Variants in PYM1 observed in about 807,000 individuals in gnomAD.
The protein encoded by PYM1 is partner of Y14 and mago.
In PYM1, 7 loss-of-function variants were observed where a neutral mutation model predicts 20.7. The observed-to-expected ratio is 0.34, with a 90% CI of 0.19 to 0.64. The LOEUF is 0.64. PYM1 is among the 30% of genes least tolerant of loss of function. The pLI is 0.74. For missense variants in PYM1, 194 were observed against 250.0 expected (o/e 0.78, Z 1.51); for synonymous variants, 100 against 99.2 (o/e 1.01, Z -0.05).
chr12:55,902,222 G>C lies in PYM1; in HGVS notation c.265C>G (p.Arg89Gly). 6.2e-7 allele frequency: 1 copy of C among 1,614,098 alleles called. No homozygotes were observed. The highest frequency in any genetic ancestry group is 8.5e-7 in the Non-Finnish European group (1 of 1,180,018). ...CTCTTCTCCTTTCGCTTCAGGTTAC[G>C]TTTGGCTGTCTTGGAGAGGCCTGGT... is the stretch of plus-strand genomic sequence containing the variant. The part of the protein sequence containing the change: ...GEPGLSKTAK[R>G]NLKRKEKRRQ... Residue 89 changes from arginine to glycine, a missense_variant, in exon 3 of 3, where the codon CGT (arginine) becomes GGT (glycine). By Grantham distance (125) the Arg-to-Gly change is moderately radical (BLOSUM62 -2). Coordinates refer to ENST00000408946, the MANE Select transcript of PYM1 (RefSeq NM_032345.3).
rs56355933 is a variant in PYM1 at position 55,922,445 on chromosome 12, CAAAAAAA to C, written c.37+5273_37+5279del. ...GGCAACATAGTGAGACCATCTTTAC[CAAAAAAA>C]AAAAAAAAAAAAAAATTAGCTGGTC... On this transcript the variant is annotated intron_variant, in intron 1 of 2. Coordinates refer to ENST00000408946, the MANE Select transcript of PYM1 (RefSeq NM_032345.3). Among the ~76,000 whole-genome samples, 661 of 86,236 alleles carry C rather than the reference CAAAAAAA, an allele frequency of 7.7e-3. 9 individuals carry two copies. The highest frequency in any genetic ancestry group is 0.026 in the African/African-American group (562 of 21,914). The allele number at this position is 86,236 out of a possible 152,430, so 56.6% of individuals were successfully genotyped here.
chr12:55,927,470 T>G (rs1883214806), intron 1 of PYM1: 2 of 695,380 alleles, frequency 2.9e-6, no homozygotes, highest in African/African-American at 3.6e-5. Context: ...AAGGGGGCCT[T>G]ATAAATGAAG....
chr12:55,918,242 T>G (rs1883041828), intron 1 of PYM1, among the ~76,000 whole-genome samples: 1 of 151,694 alleles, frequency 6.6e-6, no homozygotes, highest in South Asian at 2.1e-4. Context: ...GGACTACAGG[T>G]GCCCGCCACC....
chr12:55,912,078 G>A (rs1457923969), intron 1 of PYM1, among the ~76,000 whole-genome samples: 1 of 152,038 alleles, frequency 6.6e-6, no homozygotes, highest in Non-Finnish European at 1.5e-5. Context: ...GCAGGGTATA[G>A]TGGCTCATGC....
chr12:55,903,405 G>A lies in PYM1; in HGVS notation c.113C>T (p.Pro38Leu). The A allele has an allele frequency of 6.2e-7, 1 of 1,613,970 alleles. No homozygotes were observed. Among genetic ancestry groups the A allele is most frequent in the Non-Finnish European group, 8.5e-7 (1 of 1,179,996 alleles). The change falls in exon 2 of 3, where the codon CCC becomes CTC. Residue 38 changes from proline (P) to leucine (L), a missense_variant. Physicochemically the swap from Pro to Leu is moderately conservative, Grantham distance 98 (BLOSUM62 -3). Around this residue, in one of 3 missense-constraint regions of PYM1, gnomAD observed 17 missense variants for 53.1 expected, o/e 0.32. Transcript: ENST00000408946. ...CACGTACACTGGGACCTCCTCCTGG[G>A]GCACATATCCTTCTTTCACCCTCCG... is the stretch of plus-strand genomic sequence containing the variant. ...KQRRVKEGYVPQEEVPVYENK... is the reference protein window; with the variant it reads ...KQRRVKEGYVLQEEVPVYENK...
intron 1 of PYM1, among the ~76,000 whole-genome samples, chr12:55,915,155 C>T (rs551582560): frequency 7.7e-6 from 1 of 129,054 alleles, no homozygotes; most frequent in Non-Finnish European, 1.5e-5. Context: ...GCAGAGGTTG[C>T]AGTAAGCCAA....
intron 1 of PYM1, among the ~76,000 whole-genome samples, chr12:55,925,606 A>C (rs553671413): frequency 6.6e-6 from 1 of 152,356 alleles, no homozygotes; most frequent in East Asian, 1.9e-4. Context: ...ATGACACTAA[A>C]GTTTTACAGA....
chr12:55,923,534 C>A (rs1322670827), intron 1 of PYM1, among the ~76,000 whole-genome samples: 2 of 149,620 alleles, frequency 1.3e-5, no homozygotes, highest in Non-Finnish European at 3.0e-5. Context: ...CACTGCACTC[C>A]AGCCTGGGTG....
intron 1 of PYM1, among the ~76,000 whole-genome samples, chr12:55,914,535 A>G (rs1882974724): frequency 1.3e-5 from 2 of 152,234 alleles, no homozygotes; most frequent in South Asian, 2.1e-4. Flanking sequence ...TCTGTCAGCA[A>G]TAAAAACTCT....
Position 55,917,117 on chromosome 12 carries a change from T to A in PYM1, c.37+10608A>T, listed in dbSNP as rs117902617. ...ACTCTGTCTCAAAAATAAAAAAAAA[T>A]TTAAAAAGTAGTTTGTCAGCTGGGC... On this transcript the variant is annotated intron_variant, in intron 1 of 2. Coordinates refer to ENST00000408946, the MANE Select transcript of PYM1 (RefSeq NM_032345.3). 1.7e-3 allele frequency among the ~76,000 whole-genome samples: 247 copies of A among 149,444 alleles called. 5 individuals are homozygous for A. In the East Asian group the frequency reaches 0.04, roughly 24 times the overall value.
chr12:55,903,823 G>C lies in PYM1; in HGVS notation c.38-343C>G, dbSNP rs1012543143. ...GCTAAAAAGACACAAAAACCACGGG[G>C]AGGAGAAATGACAATAGCGGATGTT... On this transcript the variant is annotated intron_variant, in intron 1 of 2. Transcript: ENST00000408946. 2.0e-5 allele frequency among the ~76,000 whole-genome samples: 3 copies of C among 152,268 alleles called. No homozygotes were observed. The South Asian group carries it at 6.2e-4, about 32-fold the overall frequency.
intron 1 of PYM1, 106 bp from the exon 2 acceptor site, chr12:55,903,586 C>A: frequency 7.1e-6 from 7 of 987,674 alleles, no homozygotes. Flanking sequence ...ACCCATTCAT[C>A]CAAATGCAAC....
chr12:55,925,318 A>G (rs1883170185), intron 1 of PYM1, among the ~76,000 whole-genome samples: 1 of 152,258 alleles, frequency 6.6e-6, no homozygotes, highest in Non-Finnish European at 1.5e-5. Context: ...CAAAAAGCTG[A>G]TCCTGTGGGT....
intron 1 of PYM1, among the ~76,000 whole-genome samples, chr12:55,908,465 A>G (rs1460604035): frequency 6.6e-6 from 1 of 151,622 alleles, no homozygotes; most frequent in African/African-American, 2.4e-5. Flanking sequence ...AGAAAAAAAG[A>G]CTTTTAAAAT....
intron 1 of PYM1, among the ~76,000 whole-genome samples, chr12:55,907,772 C>T (rs1219247955): frequency 6.6e-6 from 1 of 151,030 alleles, no homozygotes; most frequent in Admixed American, 6.6e-5. Flanking sequence ...AACCCCATCT[C>T]CATTAAAAAC....
At chr12:55,919,612 T>A (rs541904954) in intron 1 of PYM1, among the ~76,000 whole-genome samples, 1 of 152,098 alleles carries the variant, frequency 6.6e-6, no homozygotes, top group South Asian at 2.1e-4. Flanking sequence ...AAAACTAGGC[T>A]GGGGGCCAGG....
Position 55,901,855 on chromosome 12 carries a change from C to T in PYM1, c.*17G>A, listed in dbSNP as rs1414697826. The stretch of plus-strand genomic sequence containing the variant: ...CCACGGTTTGTTCTGCAGTCCATTC[C>T]CTATTCCCCAAAGGCCTCAGAGGCC... On this transcript the variant is annotated 3_prime_UTR_variant, in exon 3 of 3. Coordinates refer to ENST00000408946, the MANE Select transcript of PYM1 (RefSeq NM_032345.3). 1 of 1,587,724 alleles carries T rather than the reference C, an allele frequency of 6.3e-7. No homozygotes were observed. The highest frequency in any genetic ancestry group is 1.8e-5 in the Admixed American group (1 of 54,750).
At chr12:55,917,079 G>GC (rs1883020557) in intron 1 of PYM1, among the ~76,000 whole-genome samples, 1 of 152,048 alleles carries the variant, frequency 6.6e-6, no homozygotes, top group South Asian at 2.1e-4. Flanking sequence ...TCCAGCCTGG[G>GC]CAACAGAGTG....
At chr12:55,916,110 G>A (rs182139646) in intron 1 of PYM1, among the ~76,000 whole-genome samples, 3 of 152,146 alleles carry the variant, frequency 2.0e-5, no homozygotes, top group Non-Finnish European at 4.4e-5. Context: ...CAAGGCGGGC[G>A]GATCACCTGA....
Sources: allele counts gnomAD v4.1 joint callset (sites outside exome capture counted in the v4.1 genomes callset), GRCh38; gene constraint gnomAD v4.1.1; regional missense constraint gnomAD v4.1.1; transcripts MANE v1.5; gene names NCBI Gene and HGNC (gene_info 2026-07-23, HGNC 2026-07-21).